The following DPP6 variants were observed in gnomAD, a reference collection of about 807,000 sequenced individuals.
DPP6 encodes the protein A-type potassium channel modulatory protein DPP6.
A neutral mutation model predicts 122.6 loss-of-function variants in DPP6; 69 were observed. That is an observed-to-expected ratio of 0.56 (90% confidence interval 0.46 to 0.69). The LOEUF (loss-of-function observed/expected upper bound fraction) is 0.69. Ranked by LOEUF, DPP6 falls within the 30% of genes least tolerant of loss-of-function variation. The probability of loss-of-function intolerance (pLI) is 0.00; values close to 1 mark genes in which losing one functional copy is unlikely to be tolerated. For synonymous variants in DPP6, 418 were observed against 433.1 expected (o/e 0.97, Z 0.43); for missense variants, 928 against 1,116.9 (o/e 0.83, Z 2.41).
chr7:154,074,287 T>G (rs1803390734), intron 1 of DPP6, among the ~76,000 whole-genome samples: 1 of 152,000 alleles, frequency 6.6e-6, no homozygotes, highest in Admixed American at 6.6e-5. Flanking sequence ...CTGTGTGAGT[T>G]GTGAGTTTCT....
chr7:154,450,937 C>A (rs1235028898), intron 2 of DPP6, among the ~76,000 whole-genome samples: 1 of 152,146 alleles, frequency 6.6e-6, no homozygotes, highest in Non-Finnish European at 1.5e-5. Flanking sequence ...CAGATTCGAT[C>A]TTGTGGTTGT....
Position 153,915,997 on chromosome 7 carries a change from C to T in DPP6, c.51+28263C>T, listed in dbSNP as rs184705288. On this transcript the variant is annotated intron_variant, in intron 1 of 25. Coordinates refer to the DPP6 transcript ENST00000404039. ...TTTATTTATTTTCGAGACAGAGTCT[C>T]GCTCTGTCGCCCAGGCTGGAGTGCA... Among the ~76,000 whole-genome samples the T allele has an allele frequency of 3.4e-4, 51 of 151,930 alleles. No individual in the cohort carries two copies. In the South Asian group the frequency reaches 4.4e-3, roughly 13 times the overall value.
chr7:154,472,110 A>T (rs1030509526), intron 2 of DPP6, among the ~76,000 whole-genome samples: 4 of 152,214 alleles, frequency 2.6e-5, no homozygotes, highest in Non-Finnish European at 5.9e-5. Context: ...CAAATGCTGC[A>T]GGAGCCATAT....
intron 1 of DPP6, among the ~76,000 whole-genome samples, chr7:154,315,193 C>G (rs1807329925): frequency 6.6e-6 from 1 of 152,166 alleles, no homozygotes. Flanking sequence ...AATTTTCAAT[C>G]TCATCTTACA....
intron 1 of DPP6, among the ~76,000 whole-genome samples, chr7:154,277,348 A>G (rs186671404): frequency 6.6e-6 from 1 of 152,320 alleles, no homozygotes; most frequent in Admixed American, 6.5e-5. Context: ...TGAGCTAGTA[A>G]AAACAACAAC....
the DPP6 span, among the ~76,000 whole-genome samples, chr7:153,836,966 A>G: frequency 6.6e-6 from 1 of 152,214 alleles, no homozygotes; most frequent in Non-Finnish European, 1.5e-5. Flanking sequence ...AGGCTGGTCC[A>G]GCAGCATCCT....
intron 1 of DPP6, among the ~76,000 whole-genome samples, chr7:154,375,850 C>A (rs1813083147): frequency 6.6e-6 from 1 of 152,190 alleles, no homozygotes; most frequent in Non-Finnish European, 1.5e-5. Context: ...ATGACGCCCG[C>A]CAACTTTGTA....
At chr7:153,923,760 CAAAAAAAAAAA>C (rs1158548494) in intron 1 of DPP6, among the ~76,000 whole-genome samples, 1 of 46,798 alleles carries the variant, frequency 2.1e-5, no homozygotes, top group Non-Finnish European at 3.8e-5. Context: ...GACTCCATCT[CAAAAAAAAAAA>C]AAAAAAAAAA....
chr7:154,526,874 C>T (rs558101926), intron 3 of DPP6, among the ~76,000 whole-genome samples: 16 of 152,204 alleles, frequency 1.1e-4, no homozygotes, highest in South Asian at 2.1e-4. Context: ...GACTTTGCAG[C>T]GAAAAATTTC....
chr7:154,639,543 A>T (rs1226961785), intron 6 of DPP6, among the ~76,000 whole-genome samples: 1 of 152,222 alleles, frequency 6.6e-6, no homozygotes, highest in Non-Finnish European at 1.5e-5. Flanking sequence ...CTCTAAAAGC[A>T]GTTGATGCCT....
chr7:154,639,691 C>G (rs1835943717), intron 6 of DPP6, among the ~76,000 whole-genome samples: 1 of 151,984 alleles, frequency 6.6e-6, no homozygotes, highest in African/African-American at 2.4e-5. Flanking sequence ...GGCTTCTGCA[C>G]TTAGATACCT....
chr7:154,258,537 TATC>T (rs1251196502), intron 1 of DPP6, among the ~76,000 whole-genome samples: 1 of 152,076 alleles, frequency 6.6e-6, no homozygotes, highest in Non-Finnish European at 1.5e-5. Flanking sequence ...GTTGGTGTTT[TATC>T]ATGCTCCACA....
intron 1 of DPP6, among the ~76,000 whole-genome samples, chr7:154,204,084 C>G (rs1020881220): frequency 6.6e-6 from 1 of 152,204 alleles, no homozygotes; most frequent in African/African-American, 2.4e-5. Context: ...CTTCCTCTTA[C>G]GTGCATTTAC....
chr7:154,288,358 A>T (rs1195703473), intron 1 of DPP6, among the ~76,000 whole-genome samples: 1 of 152,188 alleles, frequency 6.6e-6, no homozygotes, highest in East Asian at 1.9e-4. Context: ...GAGTCCACTG[A>T]GATGCCTCAG....
chr7:154,892,558 C>T lies in DPP6; in HGVS notation c.*78C>T, dbSNP rs558909077. ...GAGGGATTTCCCTGCCCTCCCTCTT[C>T]CCTCGGAGGGGCGGGGCGGGGCGGG... On this transcript the variant is annotated 3_prime_UTR_variant, in exon 26 of 26. Transcript: ENST00000377770. 2 of 1,590,010 alleles carry T rather than the reference C, an allele frequency of 1.3e-6. No individual in the cohort carries two copies. Among genetic ancestry groups the T allele is most frequent in the South Asian group, 1.1e-5 (1 of 87,406 alleles).
intron 3 of DPP6, among the ~76,000 whole-genome samples, chr7:154,477,173 C>T (rs182877920): frequency 2.0e-5 from 3 of 152,160 alleles, no homozygotes; most frequent in Admixed American, 1.3e-4. Flanking sequence ...TAAGCTATTA[C>T]GTCTTTAGGG....
chr7:154,371,312 G>A (rs1381625913), intron 1 of DPP6, among the ~76,000 whole-genome samples: 1 of 131,648 alleles, frequency 7.6e-6, no homozygotes. Flanking sequence ...CTGGGAGGCA[G>A]AGGTTGCAGT....
chr7:153,838,285 A>C, the DPP6 span, among the ~76,000 whole-genome samples: 1 of 152,122 alleles, frequency 6.6e-6, no homozygotes, highest in East Asian at 1.9e-4. Flanking sequence ...CACAGCCACA[A>C]ACCCAGTGGA....
In DPP6 at chr7:154,602,244, T is replaced by TA. The variant is rs1030249287; in HGVS notation, c.627+35329dup. Among the ~76,000 whole-genome samples, 2 of 121,162 alleles carry TA rather than the reference T, an allele frequency of 1.7e-5. 1 individual carries two copies. Among genetic ancestry groups the TA allele is most frequent in the Middle Eastern group, 7.7e-3 (2 of 260 alleles). 79.5% of individuals were successfully genotyped at this position (121,162 alleles called of 152,430 possible). On this transcript the variant is annotated intron_variant, in intron 5 of 25. Transcript: ENST00000377770. Reference sequence around the variant, plus strand: ...ACTTTTGGTATATCGTGTAAAAGCCTACAGCAGTATTCTTCCATCATTTCA... The same window carrying TA: ...ACTTTTGGTATATCGTGTAAAAGCCTAACAGCAGTATTCTTCCATCATTTCA...
Sources: allele counts gnomAD v4.1 joint callset (sites outside exome capture counted in the v4.1 genomes callset), GRCh38; gene constraint gnomAD v4.1.1; transcripts MANE v1.5; gene names NCBI Gene and HGNC (gene_info 2026-07-23, HGNC 2026-07-21).